Variants in SLC39A10 observed in about 807,000 individuals in gnomAD.
SLC39A10 encodes solute carrier family 39 member 10.
SLC39A10 carries 13 observed loss-of-function variants against 65.1 expected under a neutral mutation model. That is an observed-to-expected ratio of 0.20 (90% CI 0.13 to 0.32). The LOEUF (loss-of-function observed/expected upper bound fraction) is 0.32, where lower values mean the gene tolerates loss of function less well. SLC39A10 is among the 10% of genes least tolerant of loss of function. The pLI, the probability that SLC39A10 is intolerant of heterozygous loss-of-function variation, is 1.00. For synonymous variants in SLC39A10, 321 were observed against 342.2 expected, an observed-to-expected ratio of 0.94 and a Z score of 0.68; for missense variants, 831 against 1,018.4, an observed-to-expected ratio of 0.82 and a Z score of 2.50.
chr2:195,643,695 T>C (rs550195661), intron 2 of SLC39A10, among the ~76,000 whole-genome samples: 1 of 152,328 alleles, frequency 6.6e-6, no homozygotes, highest in Admixed American at 6.5e-5. Context: ...AATCTGAATT[T>C]CTCAGTCTCC....
intron 7 of SLC39A10, chr2:195,717,281 A>G: frequency 3.2e-6 from 1 of 316,146 alleles, no homozygotes; most frequent in Non-Finnish European, 5.7e-6. Context: ...ACTGCTTAAC[A>G]TTATATTTTC....
rs764433649 is a variant in SLC39A10 at position 195,680,201 on chromosome 2, G to C, written c.159G>C (p.Lys53Asn). Residue 53 changes from lysine to asparagine, a missense_variant, in exon 2 of 10, where the codon AAG becomes AAC. Lys to Asn is a moderately conservative substitution (Grantham distance 94, BLOSUM62 0). This residue lies in a region of SLC39A10 where 446 missense variants were observed against 499.2 expected (regional missense o/e 0.89). Transcript: ENST00000359634. ...MTELEPSKFS[K>N]QAAENEKKYY... ...AATTGGAGCCAAGCAAATTTTCAAA[G>C]CAAGCTGCTGAAAATGAAAAAAAAT... The C allele has an allele frequency of 6.2e-7, 1 of 1,613,958 alleles. No individual in the cohort carries two copies. The highest frequency in any genetic ancestry group is 8.5e-7 in the Non-Finnish European group (1 of 1,179,990).
At chr2:195,665,975 T>C (rs1056058181) in intron 1 of SLC39A10, among the ~76,000 whole-genome samples, 1 of 152,238 alleles carries the variant, frequency 6.6e-6, no homozygotes, top group Non-Finnish European at 1.5e-5. Context: ...TTTTATACAA[T>C]GTGCCATTGT....
chr2:195,735,055 T>C lies in SLC39A10; in HGVS notation c.*14T>C, dbSNP rs1477999433. The C allele has an allele frequency of 6.2e-7, 1 of 1,606,300 alleles. No individual in the cohort carries two copies. Among genetic ancestry groups the C allele is most frequent in the South Asian group, 1.1e-5 (1 of 89,438 alleles). Reference sequence around the variant, plus strand: ...ATCCAGTTTTGACCTTTCCCAGTAATCACTGTTGATTACGAGAATGTTACC... The same window carrying C: ...ATCCAGTTTTGACCTTTCCCAGTAACCACTGTTGATTACGAGAATGTTACC... On this transcript the variant is annotated 3_prime_UTR_variant, in exon 10 of 10. Coordinates refer to ENST00000359634, the MANE Select transcript of SLC39A10 (RefSeq NM_020342.3).
At chr2:195,671,605 T>C (rs970874058) in intron 1 of SLC39A10, 4 of 152,344 alleles carry the variant, frequency 2.6e-5, no homozygotes, top group Admixed American at 2.6e-4. Context: ...GTTTTTAGGG[T>C]TGAGTGGTAT....
chr2:195,657,229 G>A lies in SLC39A10; in HGVS notation c.-64G>A. ...TTTGGTGAATACACGATTTGGTGCA[G>A]CCGGGGTTTGGTACCGAGCGGAGAG... is the stretch of plus-strand genomic sequence containing the variant. On this transcript the variant is annotated 5_prime_UTR_variant, in exon 1 of 10. Coordinates refer to ENST00000359634, the MANE Select transcript of SLC39A10 (RefSeq NM_020342.3). 4.2e-6 allele frequency: 1 copy of A among 239,214 alleles called. No homozygotes were observed. The highest frequency in any genetic ancestry group is 6.8e-6 in the Non-Finnish European group (1 of 147,626). The allele number at this position is 239,214 out of a possible 1,614,324, so 14.8% of individuals were successfully genotyped here.
chr2:195,657,528 G>C, intron 1 of SLC39A10: 1 of 985,456 alleles, frequency 1.0e-6, no homozygotes, highest in Non-Finnish European at 1.2e-6. Flanking sequence ...TGCGGTCTGG[G>C]CTGCTGCGGG....
intron 1 of SLC39A10, 115 bp from the exon 2 acceptor site, chr2:195,679,917 T>G: frequency 1.4e-6 from 1 of 737,736 alleles, no homozygotes; most frequent in Non-Finnish European, 2.1e-6. Flanking sequence ...TATTTTATCA[T>G]GAAGGAAATG....
intron 1 of SLC39A10, among the ~76,000 whole-genome samples, chr2:195,657,843 G>A (rs1212073210): frequency 6.6e-6 from 1 of 152,312 alleles, no homozygotes; most frequent in Admixed American, 6.5e-5. Flanking sequence ...TGGAGCCTCG[G>A]CACCGCTGTT....
intron 1 of SLC39A10, 126 bp from the exon 2 acceptor site, chr2:195,679,906 A>C (rs35514309): frequency 0.28 from 185,752 of 663,380 alleles, 26,987 homozygotes; most frequent in South Asian, 0.38. Context: ...GGTTCTTAAC[A>C]TATTTTATCA....
chr2:195,657,359 G>A (rs974961877), intron 1 of SLC39A10, 78 bp downstream of exon 1: 12 of 983,608 alleles, frequency 1.2e-5, no homozygotes, highest in Middle Eastern at 5.2e-4. Flanking sequence ...GCGAGTCCCG[G>A]GACGGCGTGG....
At chr2:195,617,762 GAC>G (rs1688251973) in intron 2 of SLC39A10, among the ~76,000 whole-genome samples, 1 of 59,756 alleles carries the variant, frequency 1.7e-5, no homozygotes, top group African/African-American at 5.5e-5. Flanking sequence ...TTATTTTTGA[GAC>G]AGAGTCTCAC....
intron 1 of SLC39A10, among the ~76,000 whole-genome samples, chr2:195,676,361 C>T (rs1175433992): frequency 7.0e-6 from 1 of 142,440 alleles, no homozygotes; most frequent in Admixed American, 7.1e-5. Context: ...GGCCTATAAG[C>T]TTTTTTTTTT....
At chr2:195,633,286 A>G (rs1486188032) in intron 2 of SLC39A10, among the ~76,000 whole-genome samples, 2 of 152,146 alleles carry the variant, frequency 1.3e-5, no homozygotes, top group Admixed American at 1.3e-4. Flanking sequence ...ATTGCGCTCA[A>G]CCCCTCGTGG....
At chr2:195,722,089 A>G (rs1050694439) in intron 8 of SLC39A10, among the ~76,000 whole-genome samples, 8 of 152,136 alleles carry the variant, frequency 5.3e-5, no homozygotes, top group Admixed American at 1.3e-4. Context: ...CTGGTAAAAA[A>G]CTGGAGCGGA....
rs1692685866 is a variant in SLC39A10 at position 195,737,461 on chromosome 2, T to G, written c.*2420T>G. 6.2e-6 allele frequency: 1 copy of G among 161,856 alleles called. No individual in the cohort carries two copies. Among genetic ancestry groups the G allele is most frequent in the South Asian group, 1.6e-4 (1 of 6,066 alleles). 10.0% of individuals were successfully genotyped at this position (161,856 alleles called of 1,614,324 possible). A position where few individuals can be genotyped will look rare whatever the true frequency, so the allele number is the denominator to read the frequency against. ...TATAGTAACTAGATGCAGTGTGAAT[T>G]TTTTCCATTAACAAACAAACAAGTC... On this transcript the variant is annotated 3_prime_UTR_variant, in exon 10 of 10. Coordinates refer to ENST00000359634, the MANE Select transcript of SLC39A10 (RefSeq NM_020342.3).
chr2:195,700,413 A>G (rs1321598656), intron 3 of SLC39A10, among the ~76,000 whole-genome samples: 2 of 152,002 alleles, frequency 1.3e-5, no homozygotes, highest in Non-Finnish European at 2.9e-5. Flanking sequence ...TGTGGTTATT[A>G]TGGGGATTAC....
rs1395930297 is a variant in SLC39A10 at position 195,625,748 on chromosome 2, G to A, written c.-12+19515G>A. ...ATCTTTGTTCATTCCGGATTGCTCA[G>A]CGGACACCAGCAAAGCAGTGATACC... On this transcript the variant is annotated intron_variant, in intron 2 of 2. Transcript: ENST00000458054. Among the ~76,000 whole-genome samples, 3 of 152,166 alleles carry A rather than the reference G, an allele frequency of 2.0e-5. No individual in the cohort carries two copies. In the East Asian group the frequency reaches 5.8e-4, roughly 29 times the overall value.
chr2:195,713,358 A>T, intron 5 of SLC39A10, 75 bp from the exon 6 acceptor site: 1 of 1,218,414 alleles, frequency 8.2e-7, no homozygotes, highest in Non-Finnish European at 1.1e-6. Context: ...GTAGGTGTTA[A>T]TGAGTCAATA....
Sources: gnomAD v4.1 joint callset for allele counts (sites outside exome capture counted in the v4.1 genomes callset) on GRCh38, gnomAD v4.1.1 for gene constraint, gnomAD v4.1.1 regional missense constraint, MANE v1.5 for transcripts, NCBI Gene and HGNC (gene_info 2026-07-23, HGNC 2026-07-21) for gene names.